The following PHACTR1 variants were observed in gnomAD, a reference collection of about 807,000 sequenced individuals.
PHACTR1 encodes the protein RPEL repeat containing 1.
PHACTR1 carries 16 observed loss-of-function variants against 69.2 expected under a neutral mutation model. The observed-to-expected ratio is 0.23, with a 90% CI of 0.16 to 0.35. The LOEUF (loss-of-function observed/expected upper bound fraction) is 0.35, where lower values mean the gene tolerates loss of function less well. PHACTR1 is among the 10% of genes least tolerant of loss of function. PHACTR1 has a pLI of 1.00. For synonymous variants in PHACTR1, 312 were observed against 284.5 expected (o/e 1.10, Z -0.97); for missense variants, 510 against 734.7 (o/e 0.69, Z 3.54).
chr6:12,971,107 C>T (rs534326526), intron 4 of PHACTR1, among the ~76,000 whole-genome samples: 6 of 152,170 alleles, frequency 3.9e-5, no homozygotes, highest in Non-Finnish European at 7.3e-5. Context: ...TGAGACCTTG[C>T]GTGCTCTGAC....
At chr6:12,957,529 C>T in intron 4 of PHACTR1, 1 of 985,504 alleles carries the variant, frequency 1.0e-6, no homozygotes, top group Non-Finnish European at 1.2e-6. Flanking sequence ...CTTCTAAGGA[C>T]TGGGGCTCTG....
intron 4 of PHACTR1, among the ~76,000 whole-genome samples, chr6:13,047,251 G>A (rs1045420520): frequency 2.0e-5 from 3 of 151,878 alleles, no homozygotes; most frequent in African/African-American, 7.3e-5. Context: ...GGTAGTGCAC[G>A]CCTGTTGTCC....
intron 5 of PHACTR1, among the ~76,000 whole-genome samples, chr6:13,058,638 C>T (rs183552830): frequency 7.8e-4 from 119 of 152,170 alleles, no homozygotes; most frequent in Admixed American, 1.4e-3. Flanking sequence ...AGGAAAGGTA[C>T]TTGGGAGAAG....
At chr6:12,749,600 C>CT (rs1254759983) in intron 3 of PHACTR1, 44 bp from the exon 4 acceptor site, 1 of 1,492,308 alleles carries the variant, frequency 6.7e-7, no homozygotes, top group Non-Finnish European at 9.1e-7. Context: ...CCTCCTCCCC[C>CT]TTCCGCCTCT....
intron 4 of PHACTR1, among the ~76,000 whole-genome samples, chr6:12,930,447 C>T (rs576499236): frequency 6.6e-6 from 1 of 152,312 alleles, no homozygotes; most frequent in African/African-American, 2.4e-5. Flanking sequence ...TACACCAGTA[C>T]TTGGATAATC....
chr6:12,976,429 G>A (rs1794888320), intron 4 of PHACTR1, among the ~76,000 whole-genome samples: 1 of 152,094 alleles, frequency 6.6e-6, no homozygotes, highest in African/African-American at 2.4e-5. Context: ...AAGAAACCAG[G>A]ACCTTGAAAG....
intron 4 of PHACTR1, among the ~76,000 whole-genome samples, chr6:12,811,615 T>C (rs1775019386): frequency 6.7e-6 from 1 of 148,906 alleles, no homozygotes; most frequent in Non-Finnish European, 1.5e-5. Flanking sequence ...TTTCTATTCT[T>C]ATCTTGACCA....
At chr6:12,920,437 AC>A (rs1385306720) in intron 4 of PHACTR1, among the ~76,000 whole-genome samples, 4 of 152,234 alleles carry the variant, frequency 2.6e-5, no homozygotes, top group African/African-American at 9.6e-5. Flanking sequence ...CAGATTAAGA[AC>A]TTTTAAAAAT....
intron 6 of PHACTR1, among the ~76,000 whole-genome samples, chr6:13,178,588 A>G (rs891501516): frequency 2.0e-5 from 3 of 152,234 alleles, no homozygotes; most frequent in African/African-American, 7.2e-5. Flanking sequence ...GCGGGTTGCT[A>G]TGCCAGCTAC....
intron 4 of PHACTR1, among the ~76,000 whole-genome samples, chr6:13,045,368 A>G (rs1454113703): frequency 6.6e-6 from 1 of 152,182 alleles, no homozygotes; most frequent in Non-Finnish European, 1.5e-5. Context: ...TGCTGTCATC[A>G]TCATCGTCAT....
intron 5 of PHACTR1, among the ~76,000 whole-genome samples, chr6:13,055,490 A>T (rs147415144): frequency 1.3e-5 from 2 of 152,360 alleles, no homozygotes; most frequent in Non-Finnish European, 2.9e-5. Context: ...TGAAACAAGA[A>T]AGAAAATGGG....
chr6:12,951,138 G>A (rs1791242826), intron 4 of PHACTR1, among the ~76,000 whole-genome samples: 1 of 152,200 alleles, frequency 6.6e-6, no homozygotes, highest in South Asian at 2.1e-4. Context: ...TGACTTGGCA[G>A]GGAGGAAGGT....
chr6:13,111,103 A>G (rs1433064456), intron 5 of PHACTR1, among the ~76,000 whole-genome samples: 1 of 151,902 alleles, frequency 6.6e-6, no homozygotes, highest in Non-Finnish European at 1.5e-5. Flanking sequence ...ATTAGTATTA[A>G]TGTACATTTT....
rs962414287 is a variant in PHACTR1 at position 13,037,959 on chromosome 6, T to C, written c.251-15406T>C. Among the ~76,000 whole-genome samples, 6 of 152,176 alleles carry C rather than the reference T, an allele frequency of 3.9e-5. No individual in the cohort carries two copies. The East Asian group carries it at 1.2e-3, about 29-fold the overall frequency. The stretch of plus-strand genomic sequence containing the variant: ...ATCAAGGACAACTCGTTGGTTTCTC[T>C]CTGAGCAATTACATCACTGGCATTG... On this transcript the variant is annotated intron_variant, in intron 4 of 14. Transcript: ENST00000332995.
chr6:13,164,016 G>A (rs1329669440), intron 6 of PHACTR1, among the ~76,000 whole-genome samples: 1 of 151,860 alleles, frequency 6.6e-6, no homozygotes, highest in Non-Finnish European at 1.5e-5. Flanking sequence ...CAAGAATTCA[G>A]AAGAGTGGAC....
At chr6:12,985,374 A>G (rs1796019720) in intron 4 of PHACTR1, among the ~76,000 whole-genome samples, 1 of 152,086 alleles carries the variant, frequency 6.6e-6, no homozygotes, top group African/African-American at 2.4e-5. Context: ...GATTGAAGGT[A>G]GATGCAGTTG....
At chr6:13,075,285 A>G (rs1348939410) in intron 5 of PHACTR1, among the ~76,000 whole-genome samples, 2 of 152,194 alleles carry the variant, frequency 1.3e-5, no homozygotes, top group African/African-American at 2.4e-5. Flanking sequence ...TGAGACAGAG[A>G]GGTTAAGCAA....
chr6:13,240,902 C>T (rs1192319316), intron 10 of PHACTR1, among the ~76,000 whole-genome samples: 1 of 152,196 alleles, frequency 6.6e-6, no homozygotes, highest in African/African-American at 2.4e-5. Flanking sequence ...CTCCATGCAA[C>T]CCTGCAAGGT....
chr6:12,868,494 C>G (rs62389950), intron 4 of PHACTR1, among the ~76,000 whole-genome samples: 1 of 152,010 alleles, frequency 6.6e-6, no homozygotes, highest in African/African-American at 2.4e-5. Flanking sequence ...GGCTGGGAGA[C>G]AGTCCACAGT....
Sources: gnomAD v4.1 joint callset for allele counts (sites outside exome capture counted in the v4.1 genomes callset) on GRCh38, gnomAD v4.1.1 for gene constraint, MANE v1.5 for transcripts, NCBI Gene and HGNC (gene_info 2026-07-23, HGNC 2026-07-21) for gene names.